Variants in STK32B observed in about 807,000 individuals in gnomAD.
STK32B encodes serine/threonine-protein kinase 32B.
A neutral mutation model predicts 52.6 loss-of-function variants in STK32B; 43 were observed. The observed-to-expected ratio is 0.82, with a 90% CI of 0.64 to 1.05. The LOEUF (loss-of-function observed/expected upper bound fraction) is 1.05, where lower values mean the gene tolerates loss of function less well. Ranked by LOEUF, STK32B falls within the 50% of genes least tolerant of loss-of-function variation. The probability of loss-of-function intolerance (pLI) is 0.00; values close to 1 mark genes in which losing one functional copy is unlikely to be tolerated. For missense variants in STK32B, 621 were observed against 534.6 expected (o/e 1.16, Z -1.59); for synonymous variants, 238 against 204.3 (o/e 1.17, Z -1.41).
rs931928649 is a variant in STK32B, at chr4:5,467,458, A to C, written c.1042-548A>C. Among the ~76,000 whole-genome samples the C allele has an allele frequency of 2.0e-5, 3 of 152,112 alleles. No individual in the cohort carries two copies. Among genetic ancestry groups the C allele is most frequent in the Admixed American group, 1.3e-4 (2 of 15,282 alleles). On this transcript the variant is annotated intron_variant, in intron 10 of 11. Coordinates refer to ENST00000282908, the MANE Select transcript of STK32B (RefSeq NM_018401.3). This position sits in a 1 kb window ranked among gnomAD's most constrained non-coding sequence, Gnocchi z 5.8. ...ATTCTCTGTGTCTTCGCATGTCTTC[A>C]TATGGCCTTCATATAAGGACCCCAG...
rs529921632 is a variant in STK32B at position 5,485,638 on chromosome 4, G to A, written c.1107-13307G>A. On this transcript the variant is annotated intron_variant, in intron 11 of 11. Transcript: ENST00000282908. ...TGTTCCGTTGCTGGTGAGGAGCTGC[G>A]TTCCTTTGGAGGAGGAGAGGCACTC... 2.3e-3 allele frequency among the ~76,000 whole-genome samples: 352 copies of A among 152,244 alleles called. 1 individual carries two copies. Among genetic ancestry groups the A allele is most frequent in the African/African-American group, 4.2e-3 (176 of 41,548 alleles).
At chr4:5,319,629 T>A (rs746971145) in intron 3 of STK32B, among the ~76,000 whole-genome samples, 1 of 152,220 alleles carries the variant, frequency 6.6e-6, no homozygotes, top group Non-Finnish European at 1.5e-5. Flanking sequence ...TTGTTCATGC[T>A]GTTCCTTATT....
chr4:5,160,220 C>G (rs956845601), intron 2 of STK32B, among the ~76,000 whole-genome samples: 1 of 152,214 alleles, frequency 6.6e-6, no homozygotes, highest in South Asian at 2.1e-4. Flanking sequence ...CTTTGCACAT[C>G]TCCACAATGT....
chr4:5,232,498 T>C (rs1724341300), intron 3 of STK32B, among the ~76,000 whole-genome samples: 1 of 152,224 alleles, frequency 6.6e-6, no homozygotes, highest in Non-Finnish European at 1.5e-5. Context: ...ATCTTTATTT[T>C]CACTAAATTC....
chr4:5,487,750 T>G (rs1577052616), intron 11 of STK32B, among the ~76,000 whole-genome samples: 1 of 152,184 alleles, frequency 6.6e-6, no homozygotes, highest in East Asian at 1.9e-4. Flanking sequence ...CTTATTCTGA[T>G]ATGGAGTCTC....
intron 3 of STK32B, among the ~76,000 whole-genome samples, chr4:5,317,546 T>C (rs1182226972): frequency 1.6e-5 from 2 of 121,520 alleles, no homozygotes; most frequent in Admixed American, 2.0e-4. Flanking sequence ...CATGTATATA[T>C]ATATATATAT....
rs974114828 is a variant in STK32B at position 5,409,042 on chromosome 4, C to T, written c.473-7803C>T. Among the ~76,000 whole-genome samples the T allele has an allele frequency of 8.5e-5, 13 of 152,214 alleles. No individual in the cohort carries two copies. The East Asian group carries it at 1.4e-3, about 16-fold the overall frequency. On this transcript the variant is annotated intron_variant, in intron 5 of 11. Coordinates refer to ENST00000282908, the MANE Select transcript of STK32B (RefSeq NM_018401.3). ...GTCACTTTCTCAACTGTTTACACCA[C>T]GGATGGGATGACTAGACAATGTTCA...
chr4:5,266,405 G>C (rs1169643480), intron 3 of STK32B, among the ~76,000 whole-genome samples: 1 of 152,172 alleles, frequency 6.6e-6, no homozygotes, highest in Non-Finnish European at 1.5e-5. Flanking sequence ...GGGTAAAAGG[G>C]TTAGGTCTGG....
At chr4:5,496,002 C>T (rs28849798) in intron 11 of STK32B, among the ~76,000 whole-genome samples, 17 of 152,206 alleles carry the variant, frequency 1.1e-4, no homozygotes, top group African/African-American at 2.9e-4. Flanking sequence ...GGGTGCCTCC[C>T]GGTTAGGCTG....
chr4:5,487,172 GGGAA>G (rs1719294377), intron 11 of STK32B, among the ~76,000 whole-genome samples: 1 of 152,148 alleles, frequency 6.6e-6, no homozygotes, highest in Non-Finnish European at 1.5e-5. Context: ...CCATGTTGCA[GGGAA>G]GATATGTGGG....
chr4:5,082,845 T>C (rs1253083691), intron 1 of STK32B, among the ~76,000 whole-genome samples: 2 of 152,142 alleles, frequency 1.3e-5, no homozygotes, highest in Non-Finnish European at 2.9e-5. Context: ...CCCAGGAAGA[T>C]TTTTTTTCTC....
intron 4 of STK32B, among the ~76,000 whole-genome samples, chr4:5,393,734 C>T (rs998042536): frequency 3.3e-5 from 5 of 152,090 alleles, no homozygotes; most frequent in Middle Eastern, 3.2e-3. Flanking sequence ...CCTACCAGGC[C>T]CCTCCTCCAA....
At chr4:5,325,592 G>A (rs1163105200) in intron 3 of STK32B, among the ~76,000 whole-genome samples, 1 of 152,116 alleles carries the variant, frequency 6.6e-6, no homozygotes, top group South Asian at 2.1e-4. Flanking sequence ...CTGGAACAAA[G>A]TAGGAAATTA....
chr4:5,462,131 G>A (rs1252198088), intron 9 of STK32B, among the ~76,000 whole-genome samples: 1 of 152,098 alleles, frequency 6.6e-6, no homozygotes, highest in Non-Finnish European at 1.5e-5. Flanking sequence ...GTGTGTGCAT[G>A]CCAGTGCATT....
chr4:5,436,665 C>T lies in STK32B; in HGVS notation c.563-10008C>T, dbSNP rs188216420. 6.0e-4 allele frequency: 590 copies of T among 985,238 alleles called. 2 individuals are homozygous for T. The highest frequency in any genetic ancestry group is 5.1e-3 in the East Asian group (45 of 8,804). 61.0% of individuals were successfully genotyped at this position (985,238 alleles called of 1,614,324 possible). On this transcript the variant is annotated intron_variant, in intron 6 of 11. Coordinates refer to ENST00000282908, the MANE Select transcript of STK32B (RefSeq NM_018401.3). ...GCAAAGCTGAGGAAGGGAGGGTACACGCGCTATTAGGAGTTAGAATCACGC... is the reference window on the plus strand; with the variant it reads ...GCAAAGCTGAGGAAGGGAGGGTACATGCGCTATTAGGAGTTAGAATCACGC...
At chr4:5,283,179 C>T (rs1728319533) in intron 3 of STK32B, among the ~76,000 whole-genome samples, 1 of 152,052 alleles carries the variant, frequency 6.6e-6, no homozygotes, top group Admixed American at 6.6e-5. Context: ...TATTTCCCTC[C>T]CTGTGCCTGG....
chr4:5,187,384 C>T (rs954333801), intron 3 of STK32B, among the ~76,000 whole-genome samples: 31 of 152,214 alleles, frequency 2.0e-4, no homozygotes, highest in Non-Finnish European at 5.9e-5. Context: ...TCACCTACAG[C>T]ACATGGCTCT....
At chr4:5,458,373 C>G (rs901330441) in intron 8 of STK32B, among the ~76,000 whole-genome samples, 1 of 152,188 alleles carries the variant, frequency 6.6e-6, no homozygotes, top group African/African-American at 2.4e-5. Flanking sequence ...GTCCTGCGTT[C>G]TGGGCCATAC....
intron 11 of STK32B, among the ~76,000 whole-genome samples, chr4:5,494,847 C>T (rs564382627): frequency 3.8e-4 from 58 of 152,032 alleles, no homozygotes; most frequent in South Asian, 8.3e-4. Context: ...CTTAGTTTGG[C>T]GGGATATGAA....
Sources: gnomAD v4.1 joint callset for allele counts (sites outside exome capture counted in the v4.1 genomes callset) on GRCh38, gnomAD v4.1.1 for gene constraint, Gnocchi (gnomAD v3.1) non-coding constraint, MANE v1.5 for transcripts, NCBI Gene and HGNC (gene_info 2026-07-23, HGNC 2026-07-21) for gene names.